The following FAM168A variants were observed in gnomAD, a reference collection of about 807,000 sequenced individuals.
FAM168A encodes family with sequence similarity 168 member A.
A neutral mutation model predicts 28.5 loss-of-function variants in FAM168A; 3 were observed. The ratio of observed to expected loss-of-function variants is 0.11; its 90% CI spans 0.05 to 0.27. The LOEUF (loss-of-function observed/expected upper bound fraction) is 0.27, where lower values mean the gene tolerates loss of function less well. Among genes scored for constraint, FAM168A ranks in the 10% least tolerant of loss-of-function variants. The pLI is 1.00. For synonymous variants in FAM168A, 122 were observed against 124.2 expected, an observed-to-expected ratio of 0.98 and a Z score of 0.12; for missense variants, 222 against 311.5, an observed-to-expected ratio of 0.71 and a Z score of 2.16.
Position 73,411,499 on chromosome 11 carries a change from G to A in FAM168A, c.315C>T (p.Thr105=), listed in dbSNP as rs1218942614. The A allele has an allele frequency of 1.9e-6, 3 of 1,614,008 alleles. No homozygotes were observed. Among genetic ancestry groups the A allele is most frequent in the Non-Finnish European group, 2.5e-6 (3 of 1,179,950 alleles). ...AGGGGGGTGGAGCAGTGTTACTCTG[G>A]GTCGGTGGGACCTTGTATGGTGTCC... ...TAGTPYKVPP[T]QSNTAPPPYS... The change falls in exon 5 of 8, where the codon ACC becomes ACT. Residue 105 remains threonine, a synonymous_variant. Transcript: ENST00000356467.
At chr11:73,447,930 C>T (rs1362905658) in intron 2 of FAM168A, among the ~76,000 whole-genome samples, 1 of 152,228 alleles carries the variant, frequency 6.6e-6, no homozygotes, top group East Asian at 1.9e-4. Context: ...GTTACTTCCA[C>T]TCACTGAGCT....
chr11:73,572,575 C>T (rs1861238602), intron 1 of FAM168A, among the ~76,000 whole-genome samples: 2 of 150,320 alleles, frequency 1.3e-5, no homozygotes, highest in Admixed American at 6.6e-5. Flanking sequence ...TATGACCTTA[C>T]CCCCAACCCT....
At chr11:73,467,551 G>A (rs1867754332) in intron 2 of FAM168A, among the ~76,000 whole-genome samples, 1 of 152,096 alleles carries the variant, frequency 6.6e-6, no homozygotes, top group South Asian at 2.1e-4. Context: ...GATTTACAAT[G>A]TTTAAATCTT....
At chr11:73,569,286 A>T (rs1278479480) in intron 1 of FAM168A, among the ~76,000 whole-genome samples, 1 of 152,202 alleles carries the variant, frequency 6.6e-6, no homozygotes, top group Admixed American at 6.5e-5. Context: ...GCATTCCCTC[A>T]GCAATCATTA....
chr11:73,527,625 T>C (rs933829525), intron 1 of FAM168A, among the ~76,000 whole-genome samples: 11 of 152,156 alleles, frequency 7.2e-5, no homozygotes, highest in African/African-American at 2.7e-4. Context: ...TTATTATCAT[T>C]ATTCTCATTT....
At chr11:73,484,177 A>G (rs150225156) in intron 1 of FAM168A, among the ~76,000 whole-genome samples, 4 of 152,272 alleles carry the variant, frequency 2.6e-5, no homozygotes, top group Admixed American at 1.3e-4. Context: ...GTTATATACC[A>G]TAACTGTTAA....
intron 1 of FAM168A, among the ~76,000 whole-genome samples, chr11:73,567,762 T>A (rs1300739908): frequency 6.6e-6 from 1 of 152,178 alleles, no homozygotes; most frequent in African/African-American, 2.4e-5. Context: ...CTCTCTCTTC[T>A]CCCTTCTCAT....
chr11:73,564,076 T>C (rs1218796093), intron 1 of FAM168A, among the ~76,000 whole-genome samples: 1 of 152,170 alleles, frequency 6.6e-6, no homozygotes, highest in African/African-American at 2.4e-5. Context: ...CACACCTCTG[T>C]AGTGTAGCAG....
chr11:73,562,895 G>A (rs1943975566), intron 1 of FAM168A, among the ~76,000 whole-genome samples: 1 of 152,134 alleles, frequency 6.6e-6, no homozygotes, highest in Admixed American at 6.5e-5. Flanking sequence ...CGTACCCTGA[G>A]TACCAGCTGA....
chr11:73,515,982 T>A (rs928326038), intron 1 of FAM168A, among the ~76,000 whole-genome samples: 29 of 151,578 alleles, frequency 1.9e-4, no homozygotes, highest in African/African-American at 6.3e-4. Context: ...ATGCCTGTAA[T>A]CCCAGCTACT....
intron 2 of FAM168A, 103 bp downstream of exon 2, chr11:73,468,302 T>C (rs1453298787): frequency 1.0e-5 from 11 of 1,080,878 alleles, no homozygotes; most frequent in Admixed American, 2.2e-5. Flanking sequence ...TTCCCAAACT[T>C]TCCCAAGACT....
At chr11:73,521,671 GAGA>G (rs1943381924) in intron 1 of FAM168A, among the ~76,000 whole-genome samples, 1 of 152,128 alleles carries the variant, frequency 6.6e-6, no homozygotes, top group African/African-American at 2.4e-5. Flanking sequence ...GCTAATGTCT[GAGA>G]AGAAGAATGC....
At chr11:73,422,697 T>C (rs1866813926) in intron 3 of FAM168A, among the ~76,000 whole-genome samples, 1 of 152,242 alleles carries the variant, frequency 6.6e-6, no homozygotes, top group African/African-American at 2.4e-5. Flanking sequence ...TAGTTAAATA[T>C]AGGCATATAC....
intron 2 of FAM168A, among the ~76,000 whole-genome samples, chr11:73,439,174 T>G (rs1867147554): frequency 6.6e-6 from 1 of 152,082 alleles, no homozygotes; most frequent in South Asian, 2.1e-4. Flanking sequence ...TAAGATAGCC[T>G]GTATATTAGA....
intron 2 of FAM168A, among the ~76,000 whole-genome samples, chr11:73,458,757 C>G (rs367624862): frequency 6.6e-6 from 1 of 152,140 alleles, no homozygotes; most frequent in African/African-American, 2.4e-5. Context: ...ATTACAGGTG[C>G]CTGCTACCAC....
At chr11:73,508,197 T>A (rs1272563942) in intron 1 of FAM168A, among the ~76,000 whole-genome samples, 3 of 152,150 alleles carry the variant, frequency 2.0e-5, no homozygotes, top group African/African-American at 7.2e-5. Context: ...GAGCATCACC[T>A]CTAGATTGTT....
chr11:73,460,541 T>C (rs1332109953), intron 2 of FAM168A, among the ~76,000 whole-genome samples: 2 of 148,426 alleles, frequency 1.3e-5, no homozygotes, highest in Non-Finnish European at 3.0e-5. Flanking sequence ...TCTCACTCTA[T>C]TGCCCAGGCT....
intron 1 of FAM168A, among the ~76,000 whole-genome samples, chr11:73,497,173 G>A (rs1854907185): frequency 6.6e-6 from 1 of 152,044 alleles, no homozygotes; most frequent in Admixed American, 6.5e-5. Context: ...CGTACCAGGA[G>A]GAACTACTGT....
At chr11:73,426,609 G>A (rs1214484803) in intron 3 of FAM168A, among the ~76,000 whole-genome samples, 1 of 152,104 alleles carries the variant, frequency 6.6e-6, no homozygotes, top group Non-Finnish European at 1.5e-5. Flanking sequence ...AAGTCCCCCA[G>A]TCAGGAAATC....
Sources: gnomAD v4.1 joint callset for allele counts (sites outside exome capture counted in the v4.1 genomes callset) on GRCh38, gnomAD v4.1.1 for gene constraint, MANE v1.5 for transcripts, NCBI Gene and HGNC (gene_info 2026-07-23, HGNC 2026-07-21) for gene names.